The following ALDH8A1 variants were observed in gnomAD, a reference collection of about 807,000 sequenced individuals.
ALDH8A1 encodes aldehyde dehydrogenase 8 family member A1, also known as 2-aminomuconic semialdehyde dehydrogenase.
A neutral mutation model predicts 43.3 loss-of-function variants in ALDH8A1; 39 were observed. That is an observed-to-expected ratio of 0.90 (90% CI 0.70 to 1.18). The LOEUF is 1.18. ALDH8A1 is among the 50% of genes most tolerant of loss of function. The probability of loss-of-function intolerance (pLI) is 0.00; values close to 1 mark genes in which losing one functional copy is unlikely to be tolerated. For missense variants in ALDH8A1, 605 were observed against 622.6 expected, an observed-to-expected ratio of 0.97 and a Z score of 0.30; for synonymous variants, 233 against 243.5, an observed-to-expected ratio of 0.96 and a Z score of 0.40.
intron 3 of ALDH8A1, chr6:134,940,272 A>C: frequency 3.5e-6 from 1 of 285,850 alleles, no homozygotes; most frequent in South Asian, 3.0e-5. Context: ...GTCACTAAAC[A>C]GTTCCAGAAT....
chr6:134,943,687 G>A lies in ALDH8A1; in HGVS notation c.286+132C>T, dbSNP rs557299043. 2.9e-6 allele frequency: 4 copies of A among 1,365,778 alleles called. No individual in the cohort carries two copies. In the African/African-American group the frequency reaches 5.8e-5, roughly 20 times the overall value. 84.6% of individuals were successfully genotyped at this position (1,365,778 alleles called of 1,614,324 possible). ...TGGCCTTCCCAGGCCTGGAGCAGGG[G>A]AGGGTTTGCTCTCCACTTCTACTAT... is the stretch of plus-strand genomic sequence containing the variant. On this transcript the variant is annotated intron_variant, in intron 2 of 6. Coordinates refer to ENST00000265605, the MANE Select transcript of ALDH8A1 (RefSeq NM_022568.4).
intron 6 of ALDH8A1, among the ~76,000 whole-genome samples, chr6:134,919,786 A>T (rs559664381): frequency 6.6e-6 from 1 of 152,360 alleles, no homozygotes; most frequent in Non-Finnish European, 1.5e-5. Flanking sequence ...CCAGGATTAC[A>T]TTAGAACTCC....
chr6:134,938,882 C>T (rs1773798278), intron 4 of ALDH8A1, among the ~76,000 whole-genome samples: 2 of 152,072 alleles, frequency 1.3e-5, no homozygotes, highest in South Asian at 2.1e-4. Flanking sequence ...CTCCTGACCT[C>T]GTGATCCACC....
chr6:134,946,382 G>C (rs1321679741), intron 1 of ALDH8A1, among the ~76,000 whole-genome samples: 2 of 151,972 alleles, frequency 1.3e-5, no homozygotes, highest in East Asian at 3.9e-4. Flanking sequence ...GTAAAAATCT[G>C]GTCTTTTTGC....
At position 134,932,920 on chromosome 6, in the gene ALDH8A1, G is replaced by A. The variant is rs559450703; in HGVS notation, c.705C>T (p.Thr235=). ...CGCTCAGCTGGGTGATCCGCTCAGC[G>A]GTGGGCTGGCTCCCGGTGAAGGAGA... is the stretch of plus-strand genomic sequence containing the variant. ...PLISFTGSQP[T]AERITQLSAP... Residue 235 remains threonine, a synonymous_variant, in exon 5 of 7, where the codon ACC becomes ACT. Coordinates refer to ENST00000265605, the MANE Select transcript of ALDH8A1 (RefSeq NM_022568.4). The A allele has an allele frequency of 1.5e-5, 25 of 1,614,190 alleles. No homozygotes were observed. The highest frequency in any genetic ancestry group is 1.6e-4 in the Middle Eastern group (1 of 6,062).
At chr6:134,940,208 C>T (rs767751868) in intron 3 of ALDH8A1, 43 of 362,572 alleles carry the variant, frequency 1.2e-4, no homozygotes, top group African/African-American at 2.2e-4. Flanking sequence ...ACGTCCTGCA[C>T]GTGTACCCTG....
rs1020605809 is a variant in ALDH8A1 at position 134,932,813 on chromosome 6, C to T, written c.812G>A (p.Cys271Tyr). 6.2e-7 allele frequency: 1 copy of T among 1,614,222 alleles called. No homozygotes were observed. Among genetic ancestry groups the T allele is most frequent in the Non-Finnish European group, 8.5e-7 (1 of 1,180,042 alleles). ...IIFEDANLDE[C>Y]IPATVRSSFA... The stretch of plus-strand genomic sequence containing the variant: ...GCTGGACCTGACGGTTGCCGGAATG[C>T]ACTCATCCAGGTTGGCGTCCTCAAA... The change falls in exon 5 of 7, where the codon TGC (cysteine) becomes TAC (tyrosine). Residue 271 changes from cysteine to tyrosine, a missense_variant. Coordinates refer to ENST00000265605, the MANE Select transcript of ALDH8A1 (RefSeq NM_022568.4).
intron 6 of ALDH8A1, among the ~76,000 whole-genome samples, chr6:134,920,156 G>A (rs538455186): frequency 3.9e-5 from 6 of 152,198 alleles, no homozygotes; most frequent in Admixed American, 6.5e-5. Flanking sequence ...CAAGGGATCC[G>A]CCCAAAGTGC....
chr6:134,922,154 G>C (rs186795920), intron 6 of ALDH8A1, among the ~76,000 whole-genome samples: 4 of 152,308 alleles, frequency 2.6e-5, no homozygotes, highest in Non-Finnish European at 5.9e-5. Flanking sequence ...GCAGAAGGTA[G>C]ATCCTCCTGA....
intron 4 of ALDH8A1, 135 bp downstream of exon 4, chr6:134,939,131 A>T: frequency 7.3e-7 from 1 of 1,364,620 alleles, no homozygotes; most frequent in Non-Finnish European, 1.0e-6. Context: ...GGTGGAGGGG[A>T]TTTCCCAGAC....
At chr6:134,920,558 A>G (rs1271921172) in intron 6 of ALDH8A1, among the ~76,000 whole-genome samples, 1 of 152,152 alleles carries the variant, frequency 6.6e-6, no homozygotes, top group Non-Finnish European at 1.5e-5. Context: ...TGATCACATG[A>G]TTTATCTCTC....
At position 134,949,911 on chromosome 6, in the gene ALDH8A1, C is replaced by A. The variant is rs564074953; in HGVS notation, c.138+5G>T. 1 of 1,587,028 alleles carries A rather than the reference C, an allele frequency of 6.3e-7. No individual in the cohort carries two copies. The highest frequency in any genetic ancestry group is 1.7e-5 in the Admixed American group (1 of 57,196). ...TTTCAGTCTTCTTTAAGTGCATATA[C>A]TCACCTCGTCTTTTCCACTATTTGG... On this transcript the variant is annotated splice_donor_5th_base_variant and intron_variant, in intron 1 of 6. Transcript: ENST00000265605.
chr6:134,942,307 C>G (rs930824304), intron 3 of ALDH8A1, 102 bp downstream of exon 3: 78 of 1,341,612 alleles, frequency 5.8e-5, no homozygotes, highest in South Asian at 9.4e-5. Context: ...AAAATATCAG[C>G]TCTTCCTTTT....
At chr6:134,948,034 T>C (rs930298674) in intron 1 of ALDH8A1, among the ~76,000 whole-genome samples, 10 of 151,976 alleles carry the variant, frequency 6.6e-5, no homozygotes, top group Non-Finnish European at 7.4e-5. Flanking sequence ...ATAAAGAAAA[T>C]ATGGTATATA....
chr6:134,927,489 T>C (rs1034069032), intron 6 of ALDH8A1, among the ~76,000 whole-genome samples: 6 of 152,066 alleles, frequency 3.9e-5, no homozygotes, highest in African/African-American at 1.4e-4. Context: ...TCTCTCCCTT[T>C]CTCTCTCTTA....
At chr6:134,938,254 C>T (rs1773784656) in intron 4 of ALDH8A1, among the ~76,000 whole-genome samples, 1 of 152,206 alleles carries the variant, frequency 6.6e-6, no homozygotes, top group Admixed American at 6.5e-5. Flanking sequence ...AAAAAGACCT[C>T]ACATTAAGGG....
chr6:134,933,891 T>C (rs1475552086), intron 4 of ALDH8A1, among the ~76,000 whole-genome samples: 4 of 152,030 alleles, frequency 2.6e-5, no homozygotes, highest in Non-Finnish European at 5.9e-5. Flanking sequence ...GTATTTTTAG[T>C]AGAGAGGGGA....
At chr6:134,939,037 G>T (rs1402571312) in intron 4 of ALDH8A1, among the ~76,000 whole-genome samples, 1 of 152,160 alleles carries the variant, frequency 6.6e-6, no homozygotes, top group African/African-American at 2.4e-5. Context: ...TGTGCTGCCA[G>T]TCGCCCACCC....
chr6:134,943,252 C>A (rs1225879039), intron 2 of ALDH8A1, among the ~76,000 whole-genome samples: 3 of 152,132 alleles, frequency 2.0e-5, no homozygotes, highest in Non-Finnish European at 4.4e-5. Flanking sequence ...TGGTTTATGG[C>A]ACACATGTAA....
Sources: allele counts gnomAD v4.1 joint callset (sites outside exome capture counted in the v4.1 genomes callset), GRCh38; gene constraint gnomAD v4.1.1; transcripts MANE v1.5; gene names NCBI Gene and HGNC (gene_info 2026-07-23, HGNC 2026-07-21).